The following ARL6IP5 variants were observed in gnomAD, a reference collection of about 807,000 sequenced individuals.
ARL6IP5 encodes the protein PRA1 family protein 3.
In ARL6IP5, 6 loss-of-function variants were observed where a neutral mutation model predicts 13.0. That is an observed-to-expected ratio of 0.46 (90% CI 0.25 to 0.91). The LOEUF (loss-of-function observed/expected upper bound fraction) is 0.91, where lower values mean the gene tolerates loss of function less well. Among genes scored for constraint, ARL6IP5 ranks in the 40% least tolerant of loss-of-function variants. ARL6IP5 has a pLI of 0.17. For synonymous variants in ARL6IP5, 91 were observed against 91.9 expected (o/e 0.99, Z 0.06); for missense variants, 208 against 248.8 (o/e 0.84, Z 1.10).
chr3:69,090,484 A>G (rs965435183), intron 1 of ARL6IP5, among the ~76,000 whole-genome samples: 9 of 152,250 alleles, frequency 5.9e-5, no homozygotes, highest in African/African-American at 1.7e-4. Context: ...TAGCAAGTGT[A>G]CAGAAATACA....
intron 1 of ARL6IP5, among the ~76,000 whole-genome samples, chr3:69,088,916 C>G (rs573997540): frequency 7.9e-5 from 12 of 152,320 alleles, no homozygotes; most frequent in African/African-American, 2.9e-4. Flanking sequence ...GCGTGTGATA[C>G]ATTCTAGTTG....
In ARL6IP5 at chr3:69,106,043, G is replaced by A. The variant is rs1434781867; in HGVS notation, c.*1407G>A. 3 of 152,178 alleles carry A rather than the reference G, an allele frequency of 2.0e-5. No homozygotes were observed. The highest frequency in any genetic ancestry group is 4.4e-5 in the Non-Finnish European group (3 of 68,030). 9.4% of individuals were successfully genotyped at this position (152,178 alleles called of 1,614,324 possible). A position where few individuals can be genotyped will look rare whatever the true frequency, so the allele number is the denominator to read the frequency against. On this transcript the variant is annotated 3_prime_UTR_variant, in exon 3 of 3. Coordinates refer to ENST00000273258, the MANE Select transcript of ARL6IP5 (RefSeq NM_006407.4). ...AGAATCTGTACCCTTACCCACATAT[G>A]AAGAATAAAATTGATTAAAGGTTTT...
At chr3:69,088,399 C>T (rs2092254562) in intron 1 of ARL6IP5, among the ~76,000 whole-genome samples, 1 of 152,142 alleles carries the variant, frequency 6.6e-6, no homozygotes, top group South Asian at 2.1e-4. Flanking sequence ...GGTTCCATCC[C>T]CTGCTGGTGA....
At position 69,105,035 on chromosome 3, in the gene ARL6IP5, G is replaced by T; in HGVS notation, c.*399G>T. 1 of 614,888 alleles carries T rather than the reference G, an allele frequency of 1.6e-6. No homozygotes were observed. Among genetic ancestry groups the T allele is most frequent in the Non-Finnish European group, 2.9e-6 (1 of 348,412 alleles). The allele number at this position is 614,888 out of a possible 1,614,324, so 38.1% of individuals were successfully genotyped here. On this transcript the variant is annotated 3_prime_UTR_variant, in exon 3 of 3. Coordinates refer to ENST00000273258, the MANE Select transcript of ARL6IP5 (RefSeq NM_006407.4). Reference sequence around the variant, plus strand: ...AAATGAAAAGGCTGTTAAAGTAGATGACATCATGTGTTAGCCTGTTCCTAA... The same window carrying T: ...AAATGAAAAGGCTGTTAAAGTAGATTACATCATGTGTTAGCCTGTTCCTAA...
rs978757290 is a variant in ARL6IP5, at chr3:69,085,355, C to A, written c.176+132C>A. The A allele has an allele frequency of 6.7e-5, 82 of 1,215,716 alleles. No homozygotes were observed. In the East Asian group the frequency reaches 9.0e-4, roughly 13 times the overall value. The allele number at this position is 1,215,716 out of a possible 1,614,324, so 75.3% of individuals were successfully genotyped here. A position where few individuals can be genotyped will look rare whatever the true frequency, so the allele number is the denominator to read the frequency against. On this transcript the variant is annotated intron_variant, in intron 1 of 2. Coordinates refer to ENST00000273258, the MANE Select transcript of ARL6IP5 (RefSeq NM_006407.4). Reference sequence around the variant, plus strand: ...CTGCCCTGGCAATTCTGCAAGCGGCCAAGCCAGTGGAAACTTGTTTGCAGG... The same window carrying A: ...CTGCCCTGGCAATTCTGCAAGCGGCAAAGCCAGTGGAAACTTGTTTGCAGG...
chr3:69,101,851 C>G lies in ARL6IP5; in HGVS notation c.189C>G (p.Pro63=), dbSNP rs747011582. The change falls in exon 2 of 3, where the codon CCC becomes CCG. Residue 63 remains proline, a synonymous_variant. Transcript: ENST00000273258. The stretch of plus-strand genomic sequence containing the variant: ...CCTCATATTTCAGGTTTCTGAGTCC[C>G]TTCAACATGATCCTGGGAGGAATCG... ...MMISIVGFLS[P]FNMILGGIVV... is the part of the protein sequence containing the mutation. The G allele has an allele frequency of 6.2e-7, 1 of 1,613,392 alleles. No homozygotes were observed. Among genetic ancestry groups the G allele is most frequent in the Non-Finnish European group, 8.5e-7 (1 of 1,179,704 alleles).
intron 1 of ARL6IP5, among the ~76,000 whole-genome samples, chr3:69,100,906 G>A (rs1191764206): frequency 6.6e-6 from 1 of 152,116 alleles, no homozygotes; most frequent in Non-Finnish European, 1.5e-5. Flanking sequence ...CTGTCTGAAT[G>A]AGAAGGCACT....
chr3:69,103,287 T>C (rs950554819), intron 2 of ARL6IP5, among the ~76,000 whole-genome samples: 5 of 152,174 alleles, frequency 3.3e-5, no homozygotes, highest in Admixed American at 2.0e-4. Flanking sequence ...TGTAACGAAA[T>C]GTATCAGAGG....
chr3:69,097,818 A>G (rs370689216), intron 1 of ARL6IP5, among the ~76,000 whole-genome samples: 1 of 152,148 alleles, frequency 6.6e-6, no homozygotes, highest in African/African-American at 2.4e-5. Flanking sequence ...GGTGCTATAG[A>G]CTGGCACAAG....
chr3:69,092,552 C>T (rs1311758601), intron 1 of ARL6IP5, among the ~76,000 whole-genome samples: 6 of 152,236 alleles, frequency 3.9e-5, no homozygotes, highest in Admixed American at 1.3e-4. Context: ...CTCACTACAA[C>T]CTCTGCCTCC....
Position 69,106,006 on chromosome 3 carries a change from CA to C in ARL6IP5, c.*1371del, listed in dbSNP as rs1230329116. ...GCACAGTGATATCACCATGACTTCA[CA>C]GACATGGTCTAGAATCTGTACCCTT... On this transcript the variant is annotated 3_prime_UTR_variant, in exon 3 of 3. Transcript: ENST00000273258. 1 of 152,188 alleles carries C rather than the reference CA, an allele frequency of 6.6e-6. No homozygotes were observed. The highest frequency in any genetic ancestry group is 1.5e-5 in the Non-Finnish European group (1 of 68,022). The allele number at this position is 152,188 out of a possible 1,614,324, so 9.4% of individuals were successfully genotyped here.
chr3:69,086,754 G>A lies in ARL6IP5; in HGVS notation c.176+1531G>A, dbSNP rs145879619. On this transcript the variant is annotated intron_variant, in intron 1 of 2. Transcript: ENST00000273258. ...TTTTTTTTTTTTGAGACTGAGCCTC[G>A]TTCTGTCGCCCAGGCTGGAGTGCAG... 5.4e-3 allele frequency among the ~76,000 whole-genome samples: 770 copies of A among 142,680 alleles called. 5 individuals carry two copies. The highest frequency in any genetic ancestry group is 0.019 in the African/African-American group (744 of 38,300). 93.6% of individuals were successfully genotyped at this position (142,680 alleles called of 152,430 possible). A position where few individuals can be genotyped will look rare whatever the true frequency, so the allele number is the denominator to read the frequency against.
intron 1 of ARL6IP5, among the ~76,000 whole-genome samples, chr3:69,087,710 A>T (rs961906683): frequency 2.0e-5 from 3 of 152,236 alleles, no homozygotes; most frequent in Non-Finnish European, 4.4e-5. Flanking sequence ...TTGGTTGTCA[A>T]TGAAAATTTT....
chr3:69,090,098 C>T (rs1054801929), intron 1 of ARL6IP5: 11 of 244,978 alleles, frequency 4.5e-5, no homozygotes, highest in African/African-American at 1.6e-4. Context: ...ATGAAATGTT[C>T]GTATTGTTTG....
intron 1 of ARL6IP5, among the ~76,000 whole-genome samples, chr3:69,085,919 T>G (rs2092246184): frequency 6.6e-6 from 1 of 152,212 alleles, no homozygotes; most frequent in Non-Finnish European, 1.5e-5. Context: ...CAATACCTGA[T>G]ACTTAACAAA....
intron 1 of ARL6IP5, among the ~76,000 whole-genome samples, chr3:69,085,590 A>G (rs747992869): frequency 5.9e-5 from 9 of 152,110 alleles, no homozygotes; most frequent in Non-Finnish European, 1.2e-4. Flanking sequence ...ATAAGAAGAA[A>G]AAGGAAAGTG....
At position 69,099,134 on chromosome 3, in the gene ARL6IP5, G is replaced by T. The variant is rs111837542; in HGVS notation, c.177-2705G>T. 9.0e-4 allele frequency among the ~76,000 whole-genome samples: 101 copies of T among 112,176 alleles called. 4 individuals carry two copies. The highest frequency in any genetic ancestry group is 3.1e-3 in the African/African-American group (87 of 27,864). 73.6% of individuals were successfully genotyped at this position (112,176 alleles called of 152,430 possible). ...CACTTTGGGAGGCTGAGGGGCGGGG[G>T]GGGTGGGGGGTGGATCACATGAGGT... On this transcript the variant is annotated intron_variant, in intron 1 of 2. Transcript: ENST00000273258.
intron 1 of ARL6IP5, 135 bp from the exon 2 acceptor site, chr3:69,101,704 A>G: frequency 2.6e-6 from 2 of 771,816 alleles, no homozygotes; most frequent in Admixed American, 2.5e-5. Context: ...AGGTTATGAG[A>G]AATCAAATGA....
In ARL6IP5 at chr3:69,098,233, T is replaced by C. The variant is rs532816961; in HGVS notation, c.177-3606T>C. The stretch of plus-strand genomic sequence containing the variant: ...CTGGGACTACAGGTGCCTGCCACCA[T>C]ACCTGGCTTTTTTTTTTTTTTTTTT... On this transcript the variant is annotated intron_variant, in intron 1 of 2. Transcript: ENST00000273258. Among the ~76,000 whole-genome samples the C allele has an allele frequency of 4.1e-4, 56 of 135,442 alleles. No individual in the cohort carries two copies. The East Asian group carries it at 6.1e-3, about 15-fold the overall frequency. The allele number at this position is 135,442 out of a possible 152,430, so 88.9% of individuals were successfully genotyped here.
Sources: gnomAD v4.1 joint callset for allele counts (sites outside exome capture counted in the v4.1 genomes callset) on GRCh38, gnomAD v4.1.1 for gene constraint, MANE v1.5 for transcripts, NCBI Gene and HGNC (gene_info 2026-07-23, HGNC 2026-07-21) for gene names.